The following CEP112 variants were observed in gnomAD, a reference collection of about 807,000 sequenced individuals.
The protein encoded by CEP112 is centrosomal protein 112.
CEP112 carries 127 observed loss-of-function variants against 153.0 expected under a neutral mutation model. The ratio of observed to expected loss-of-function variants is 0.83; its 90% CI spans 0.72 to 0.96. CEP112 has a LOEUF of 0.96. CEP112 is among the 40% of genes least tolerant of loss of function. The probability of loss-of-function intolerance (pLI) is 0.00; values close to 1 mark genes in which losing one functional copy is unlikely to be tolerated. For missense variants in CEP112, 1,089 were observed against 1,101.2 expected (o/e 0.99, Z 0.16); for synonymous variants, 358 against 374.4 (o/e 0.96, Z 0.51).
intron 23 of CEP112, among the ~76,000 whole-genome samples, chr17:65,718,820 G>T (rs1362316814): frequency 1.3e-5 from 2 of 152,144 alleles, no homozygotes; most frequent in African/African-American, 4.8e-5. Context: ...CTTATCTTGG[G>T]GTTAAGCCTG....
At chr17:65,718,664 AT>A in intron 23 of CEP112, among the ~76,000 whole-genome samples, 1 of 152,156 alleles carries the variant, frequency 6.6e-6, no homozygotes, top group East Asian at 1.9e-4. Context: ...AGGGATTTTT[AT>A]GTCATGAAAT....
rs1279981931 is a variant in CEP112, at chr17:66,191,331, C to T, written c.-9+666G>A. 6.6e-6 allele frequency among the ~76,000 whole-genome samples: 1 copy of T among 152,206 alleles called. No homozygotes were observed. Among genetic ancestry groups the T allele is most frequent in the Non-Finnish European group, 1.5e-5 (1 of 68,034 alleles). ...ATGTGCCTTTTCTATCTTATTTTGA[C>T]TCATCTTAAAATATTAAAAACAAAT... On this transcript the variant is annotated intron_variant, in intron 1 of 26. Coordinates refer to ENST00000535342, the MANE Select transcript of CEP112 (RefSeq NM_001199165.4). This position sits in a 1 kb window ranked among gnomAD's most constrained non-coding sequence, Gnocchi z 4.2.
chr17:65,717,335 A>T (rs1174434286), intron 23 of CEP112, among the ~76,000 whole-genome samples: 14 of 152,162 alleles, frequency 9.2e-5, no homozygotes, highest in Non-Finnish European at 1.6e-4. Context: ...TTTAATCTAG[A>T]ATGATCTCAC....
chr17:65,641,725 G>A (rs2045145271), intron 24 of CEP112, among the ~76,000 whole-genome samples: 1 of 152,146 alleles, frequency 6.6e-6, no homozygotes, highest in Admixed American at 6.5e-5. Flanking sequence ...CAGTCTGGGT[G>A]ACAGAGTAAG....
At chr17:65,912,396 C>G (rs576324091) in intron 19 of CEP112, among the ~76,000 whole-genome samples, 1 of 152,142 alleles carries the variant, frequency 6.6e-6, no homozygotes, top group African/African-American at 2.4e-5. Flanking sequence ...CTCCTACTGT[C>G]GGCCCCGGAA....
At chr17:66,026,296 T>C (rs1210558933) in intron 16 of CEP112, among the ~76,000 whole-genome samples, 1 of 152,112 alleles carries the variant, frequency 6.6e-6, no homozygotes, top group Admixed American at 6.6e-5. Flanking sequence ...TAAAAATAAA[T>C]CTATAAAACT....
chr17:66,070,953 C>G (rs1183863507), intron 8 of CEP112, among the ~76,000 whole-genome samples: 2 of 152,086 alleles, frequency 1.3e-5, no homozygotes, highest in East Asian at 3.9e-4. Context: ...TTGTGAAAAT[C>G]ATATTCAATA....
At chr17:65,831,169 G>C (rs2057061045) in intron 21 of CEP112, among the ~76,000 whole-genome samples, 1 of 152,148 alleles carries the variant, frequency 6.6e-6, no homozygotes, top group Non-Finnish European at 1.5e-5. Context: ...AAAACTCAGG[G>C]GAATATGACA....
At chr17:65,746,269 T>A (rs1173189625) in intron 22 of CEP112, among the ~76,000 whole-genome samples, 1 of 151,976 alleles carries the variant, frequency 6.6e-6, no homozygotes, top group Non-Finnish European at 1.5e-5. Flanking sequence ...GTGCTTGCTT[T>A]TGTGTGGAAA....
chr17:65,935,093 C>T (rs2061261653), intron 18 of CEP112, among the ~76,000 whole-genome samples: 3 of 152,168 alleles, frequency 2.0e-5, no homozygotes, highest in African/African-American at 4.8e-5. Context: ...ATGGGGATTA[C>T]AATTTGAGGT....
intron 21 of CEP112, among the ~76,000 whole-genome samples, chr17:65,758,232 T>G (rs773951015): frequency 2.4e-4 from 36 of 152,178 alleles, no homozygotes; most frequent in Admixed American, 3.9e-4. Flanking sequence ...CATCTTTGGT[T>G]CTTTCTGACT....
chr17:65,668,998 A>G (rs917056), intron 24 of CEP112, among the ~76,000 whole-genome samples: 48,954 of 152,024 alleles, frequency 0.32, 8,171 homozygotes, highest in Middle Eastern at 0.5. Flanking sequence ...ATGTGTGACA[A>G]TTTCAACGGG....
intron 21 of CEP112, among the ~76,000 whole-genome samples, chr17:65,819,661 T>C (rs565012738): frequency 6.6e-6 from 1 of 152,100 alleles, no homozygotes; most frequent in African/African-American, 2.4e-5. Context: ...ATATAATGCA[T>C]CTGAGAAAGG....
intron 24 of CEP112, among the ~76,000 whole-genome samples, chr17:65,677,710 C>T (rs1024842030): frequency 1.3e-5 from 2 of 151,988 alleles, no homozygotes; most frequent in South Asian, 4.1e-4. Flanking sequence ...GTCAGGAGTT[C>T]GAGACCAGCC....
At chr17:65,649,717 CAA>C (rs3077085) in intron 24 of CEP112, among the ~76,000 whole-genome samples, 18 of 114,518 alleles carry the variant, frequency 1.6e-4, no homozygotes, top group Non-Finnish European at 1.8e-4. Context: ...GACCCTGTCT[CAA>C]AAAAAAAAAA....
rs916007192 is a variant in CEP112 at position 65,668,185 on chromosome 17, T to C, written c.2697+20944A>G. 2.0e-5 allele frequency among the ~76,000 whole-genome samples: 3 copies of C among 152,216 alleles called. No individual in the cohort carries two copies. In the South Asian group the frequency reaches 6.2e-4, roughly 32 times the overall value. On this transcript the variant is annotated intron_variant, in intron 24 of 26. Coordinates refer to ENST00000535342, the MANE Select transcript of CEP112 (RefSeq NM_001199165.4). ...TGCTGGGATTCCAGGCATGAGCCACTGCGCCCGGCCTCCTTGGGCACTATT... is the reference window on the plus strand; with the variant it reads ...TGCTGGGATTCCAGGCATGAGCCACCGCGCCCGGCCTCCTTGGGCACTATT...
Position 66,028,329 on chromosome 17 carries a change from C to G in CEP112, c.1580G>C (p.Arg527Thr), listed in dbSNP as rs774272632. The G allele has an allele frequency of 1.3e-6, 2 of 1,595,046 alleles. No individual in the cohort carries two copies. The highest frequency in any genetic ancestry group is 3.4e-5 in the Admixed American group (2 of 58,704). The change falls in exon 15 of 27, where the codon AGA becomes ACA. Residue 527 changes from arginine (R) to threonine (T), a missense_variant. Transcript: ENST00000535342. ...AAGACTCACCCTTAGTTGTTGCTTT[C>G]TTTGAAGTTCTGATTCCTGTAACTG... ...KQQLQESELQ[R>T]KQQLRDQENK...
At position 65,635,956 on chromosome 17, in the gene CEP112, C is replaced by G. The variant is rs77414935; in HGVS notation, c.*15G>C. 1,110 of 1,599,796 alleles carry G rather than the reference C, an allele frequency of 6.9e-4. 9 individuals are homozygous for G. In the African/African-American group the frequency reaches 0.013, roughly 19 times the overall value. On this transcript the variant is annotated 3_prime_UTR_variant, in exon 27 of 27. Transcript: ENST00000535342. The stretch of plus-strand genomic sequence containing the variant: ...CACAGCCTGGAAATTGCATCCGTTG[C>G]ATTCTCTCGTGCAGTTACCTGTAAA...
chr17:66,151,287 T>A (rs1315243049), intron 4 of CEP112, among the ~76,000 whole-genome samples: 3 of 152,330 alleles, frequency 2.0e-5, no homozygotes, highest in African/African-American at 7.2e-5. Context: ...TATTTTATGT[T>A]CACTGAATAT....
Sources: allele counts gnomAD v4.1 joint callset (sites outside exome capture counted in the v4.1 genomes callset), GRCh38; gene constraint gnomAD v4.1.1; non-coding constraint Gnocchi (gnomAD v3.1); transcripts MANE v1.5; gene names NCBI Gene and HGNC (gene_info 2026-07-23, HGNC 2026-07-21).